AXDND1: variants seen among roughly 807,000 people sequenced by gnomAD.
AXDND1 encodes the protein axonemal dynein light chain domain containing 1, also known as axonemal dynein light chain domain-containing protein 1.
AXDND1 carries 110 observed loss-of-function variants against 137.5 expected under a neutral mutation model. That is an observed-to-expected ratio of 0.80 (90% CI 0.69 to 0.94). The LOEUF is 0.94. Ranked by LOEUF, AXDND1 falls within the 40% of genes least tolerant of loss-of-function variation. The pLI is 0.00. For missense variants in AXDND1, 1,191 were observed against 1,169.8 expected (o/e 1.02, Z -0.26); for synonymous variants, 414 against 399.7 (o/e 1.04, Z -0.43).
At chr1:179,463,862 A>T (rs2125455878) in intron 16 of AXDND1, among the ~76,000 whole-genome samples, 1 of 152,080 alleles carries the variant, frequency 6.6e-6, no homozygotes, top group East Asian at 1.9e-4. Flanking sequence ...TGATCCCTTT[A>T]CCATTATGTA....
At chr1:179,403,891 A>G (rs966624280) in intron 11 of AXDND1, among the ~76,000 whole-genome samples, 28 of 152,036 alleles carry the variant, frequency 1.8e-4, no homozygotes, top group Non-Finnish European at 8.8e-5. Context: ...TCGTGTTTTA[A>G]GTGGATATTT....
chr1:179,373,965 A>G (rs1304198359), intron 4 of AXDND1, among the ~76,000 whole-genome samples: 1 of 152,226 alleles, frequency 6.6e-6, no homozygotes, highest in African/African-American at 2.4e-5. Flanking sequence ...ACAAAAACCA[A>G]AATTGACAAA....
At chr1:179,431,012 T>G (rs1303793109) in intron 14 of AXDND1, among the ~76,000 whole-genome samples, 1 of 152,214 alleles carries the variant, frequency 6.6e-6, no homozygotes, top group Non-Finnish European at 1.5e-5. Context: ...TTGCAATGAT[T>G]AGAGAAATCT....
chr1:179,443,864 A>G (rs1362295286), intron 15 of AXDND1, among the ~76,000 whole-genome samples: 1 of 152,158 alleles, frequency 6.6e-6, no homozygotes, highest in Non-Finnish European at 1.5e-5. Context: ...CTATCATGTT[A>G]TAGTAGTCTG....
chr1:179,486,713 A>G lies in AXDND1; in HGVS notation c.2091+3492A>G, dbSNP rs543794335. The stretch of plus-strand genomic sequence containing the variant: ...AAAAGAAATTCCAAACAAGAACTTC[A>G]TATCTAGCCAAACTGAGCTTCATAA... On this transcript the variant is annotated intron_variant, in intron 18 of 25. Coordinates refer to ENST00000367618, the MANE Select transcript of AXDND1 (RefSeq NM_144696.6). Among the ~76,000 whole-genome samples, 3 of 149,116 alleles carry G rather than the reference A, an allele frequency of 2.0e-5. No homozygotes were observed. In the East Asian group the frequency reaches 5.8e-4, roughly 29 times the overall value.
intron 25 of AXDND1, among the ~76,000 whole-genome samples, chr1:179,541,890 C>T (rs1191027496): frequency 6.6e-6 from 1 of 152,030 alleles, no homozygotes; most frequent in Non-Finnish European, 1.5e-5. Flanking sequence ...ATAAATATTA[C>T]ACAACTATTA....
At chr1:179,529,342 G>T (rs1242990122) in intron 23 of AXDND1, among the ~76,000 whole-genome samples, 2 of 152,230 alleles carry the variant, frequency 1.3e-5, no homozygotes, top group Non-Finnish European at 2.9e-5. Flanking sequence ...ATTATTAGGG[G>T]TGTGGGAGCC....
chr1:179,411,191 G>C lies in AXDND1; in HGVS notation c.1155G>C (p.Arg385Ser). ...ACTTATATACATTACAAAGAGAAAG[G>C]ATGGAGAATGATATGAAAAAGTTAG... ...YHDLYTLQRE[R>S]MENDMKKLVA... Residue 385 changes from arginine (R) to serine (S), a missense_variant, in exon 12 of 26, where the codon AGG becomes AGC. Transcript: ENST00000367618. 3 of 1,611,812 alleles carry C rather than the reference G, an allele frequency of 1.9e-6. No homozygotes were observed. The highest frequency in any genetic ancestry group is 2.5e-6 in the Non-Finnish European group (3 of 1,178,960).
chr1:179,387,497 A>T (rs1288719927), intron 9 of AXDND1, among the ~76,000 whole-genome samples: 1 of 152,264 alleles, frequency 6.6e-6, no homozygotes, highest in African/African-American at 2.4e-5. Context: ...TATAATAACA[A>T]TTAAATTTCA....
chr1:179,471,428 G>T (rs1184823717), intron 17 of AXDND1, among the ~76,000 whole-genome samples: 1 of 152,118 alleles, frequency 6.6e-6, no homozygotes, highest in East Asian at 1.9e-4. Flanking sequence ...TATTGAATCA[G>T]TTTTTTGTGT....
chr1:179,519,587 G>A (rs1421537042), intron 21 of AXDND1, among the ~76,000 whole-genome samples: 1 of 152,174 alleles, frequency 6.6e-6, no homozygotes, highest in Non-Finnish European at 1.5e-5. Context: ...AAGGGTTCCA[G>A]TTTCAGTTTT....
rs1666546502 is a variant in AXDND1, at chr1:179,489,130, A to ATTT, written c.2092-2408_2092-2407insTTT. On this transcript the variant is annotated intron_variant, in intron 18 of 25. Coordinates refer to ENST00000367618, the MANE Select transcript of AXDND1 (RefSeq NM_144696.6). Reference sequence around the variant, plus strand: ...GGAAGAAGTCTTTTCACAAAAGAAAAGCAGTCAATTCATCTTAAAATGTCT... The same window carrying ATTT: ...GGAAGAAGTCTTTTCACAAAAGAAAATTTGCAGTCAATTCATCTTAAAATGTCT... Among the ~76,000 whole-genome samples the ATTT allele has an allele frequency of 1.6e-5, 2 of 125,772 alleles. 1 individual carries two copies. The highest frequency in any genetic ancestry group is 7.1e-5 in the African/African-American group (2 of 28,282). 82.5% of individuals were successfully genotyped at this position (125,772 alleles called of 152,430 possible).
Position 179,534,760 on chromosome 1 carries a change from G to A in AXDND1, c.2829G>A (p.Glu943=), listed in dbSNP as rs200417405. The change falls in exon 25 of 26, where the codon GAG becomes GAA. Residue 943 remains glutamate (E), a synonymous_variant. Coordinates refer to ENST00000367618, the MANE Select transcript of AXDND1 (RefSeq NM_144696.6). ...TTGAAAATAGAGCCAGACAGGCAGA[G>A]GAGAAGTTTGAAGATGCATATGAGA... ...LEVENRARQA[E]EKFEDAYEKL... is the part of the protein sequence containing the mutation. 216 of 1,593,874 alleles carry A rather than the reference G, an allele frequency of 1.4e-4. No homozygotes were observed. Among genetic ancestry groups the A allele is most frequent in the Non-Finnish European group, 1.7e-4 (205 of 1,175,386 alleles).
chr1:179,480,001 G>T (rs775774391), intron 17 of AXDND1, among the ~76,000 whole-genome samples: 1 of 152,118 alleles, frequency 6.6e-6, no homozygotes, highest in Non-Finnish European at 1.5e-5. Flanking sequence ...TCAGCATTTT[G>T]GTCAAAGCCA....
chr1:179,415,534 TTA>T (rs1296687237), intron 12 of AXDND1, among the ~76,000 whole-genome samples: 3 of 152,148 alleles, frequency 2.0e-5, no homozygotes, highest in Non-Finnish European at 4.4e-5. Flanking sequence ...AAGTGTACAA[TTA>T]TATGTTTTTT....
In AXDND1 at chr1:179,432,252, T is replaced by C; in HGVS notation, c.1488-15T>C. The C allele has an allele frequency of 6.6e-7, 1 of 1,526,196 alleles. No individual in the cohort carries two copies. Among genetic ancestry groups the C allele is most frequent in the Non-Finnish European group, 8.8e-7 (1 of 1,133,242 alleles). 94.5% of individuals were successfully genotyped at this position (1,526,196 alleles called of 1,614,324 possible). A position where few individuals can be genotyped will look rare whatever the true frequency, so the allele number is the denominator to read the frequency against. The stretch of plus-strand genomic sequence containing the variant: ...TGTTCTGAGATGTTTCTCTTTTTTT[T>C]TTTCTTCTTTTCAGTGAAAAAGACA... On this transcript the variant is annotated splice_polypyrimidine_tract_variant and intron_variant, in intron 14 of 25. Coordinates refer to ENST00000367618, the MANE Select transcript of AXDND1 (RefSeq NM_144696.6).
chr1:179,399,373 G>A (rs1284020226), intron 11 of AXDND1, among the ~76,000 whole-genome samples: 4 of 152,116 alleles, frequency 2.6e-5, no homozygotes, highest in African/African-American at 4.8e-5. Context: ...TTGGCTAACC[G>A]CATGTAGGAG....
intron 23 of AXDND1, among the ~76,000 whole-genome samples, chr1:179,532,292 G>T (rs759868072): frequency 1.3e-5 from 2 of 152,158 alleles, no homozygotes; most frequent in Non-Finnish European, 2.9e-5. Context: ...AATGCACGCA[G>T]GTAGTAGTGG....
chr1:179,488,672 TTTCTTTCTTTCTTTCTTTC>T (rs1218238351), intron 18 of AXDND1, among the ~76,000 whole-genome samples: 8 of 137,650 alleles, frequency 5.8e-5, no homozygotes, highest in African/African-American at 2.4e-4. Context: ...TCTTTCTTTC[TTTCTTTCTTTCTTTCTTTC>T]TTTCTTTCCT....
Sources: gnomAD v4.1 joint callset for allele counts (sites outside exome capture counted in the v4.1 genomes callset) on GRCh38, gnomAD v4.1.1 for gene constraint, MANE v1.5 for transcripts, NCBI Gene and HGNC (gene_info 2026-07-23, HGNC 2026-07-21) for gene names.